FBXW11: variants seen among roughly 807,000 people sequenced by gnomAD.
The protein encoded by FBXW11 is F-box and WD repeat domain containing 11.
A neutral mutation model predicts 77.6 loss-of-function variants in FBXW11; 19 were observed. The ratio of observed to expected loss-of-function variants is 0.24; its 90% CI spans 0.17 to 0.36. The LOEUF is 0.36. Among genes scored for constraint, FBXW11 ranks in the 10% least tolerant of loss-of-function variants. The pLI is 1.00. For synonymous variants in FBXW11, 235 were observed against 249.4 expected (o/e 0.94, Z 0.54); for missense variants, 334 against 704.2 (o/e 0.47, Z 5.95).
intron 7 of FBXW11, among the ~76,000 whole-genome samples, chr5:171,889,810 C>G (rs1482679186): frequency 6.6e-6 from 1 of 152,022 alleles, no homozygotes; most frequent in African/African-American, 2.4e-5. Context: ...ATCGCTCAAA[C>G]CCGGGAGGCG....
intron 1 of FBXW11, among the ~76,000 whole-genome samples, chr5:171,979,362 T>A (rs11134726): frequency 0.015 from 2,210 of 152,280 alleles, 33 homozygotes; most frequent in Non-Finnish European, 0.023. Context: ...CATATGTACA[T>A]GTATATGTAT....
chr5:171,916,047 C>A (rs1761212601), intron 2 of FBXW11, among the ~76,000 whole-genome samples: 1 of 144,560 alleles, frequency 6.9e-6, no homozygotes, highest in Admixed American at 7.1e-5. Flanking sequence ...AATGAGAACA[C>A]TGGAGACACA....
chr5:171,991,867 C>A (rs1301714394), intron 1 of FBXW11, among the ~76,000 whole-genome samples: 2 of 152,160 alleles, frequency 1.3e-5, no homozygotes, highest in Non-Finnish European at 2.9e-5. Context: ...GTAATCCCAG[C>A]ACTTTGGGAG....
intron 1 of FBXW11, among the ~76,000 whole-genome samples, chr5:171,963,204 C>T (rs199659745): frequency 1.5e-5 from 2 of 129,526 alleles, no homozygotes; most frequent in South Asian, 2.7e-4. Flanking sequence ...CACACACACA[C>T]ACATATATAT....
chr5:171,967,521 G>A (rs1343582029), intron 1 of FBXW11, among the ~76,000 whole-genome samples: 1 of 152,122 alleles, frequency 6.6e-6, no homozygotes, highest in Admixed American at 6.6e-5. Context: ...CTTACATTAT[G>A]ATCCCATGTT....
intron 6 of FBXW11, 147 bp from the exon 7 acceptor site, chr5:171,891,751 T>G: frequency 1.4e-6 from 1 of 701,634 alleles, no homozygotes; most frequent in Non-Finnish European, 2.2e-6. Context: ...ATCATGCTCT[T>G]TTCCAAGTAA....
intron 1 of FBXW11, among the ~76,000 whole-genome samples, chr5:171,980,510 A>G (rs2113486208): frequency 6.6e-6 from 1 of 152,380 alleles, no homozygotes; most frequent in East Asian, 1.9e-4. Flanking sequence ...AAAAAGACTC[A>G]TAAATTAGTA....
intron 2 of FBXW11, among the ~76,000 whole-genome samples, chr5:171,914,980 C>A (rs770509195): frequency 8.1e-4 from 124 of 152,166 alleles, no homozygotes; most frequent in Non-Finnish European, 9.3e-4. Flanking sequence ...TCTGGCTTGC[C>A]TTGGGAATGC....
At chr5:171,930,771 A>AT (rs1363601270) in intron 2 of FBXW11, among the ~76,000 whole-genome samples, 1 of 149,726 alleles carries the variant, frequency 6.7e-6, no homozygotes, top group Admixed American at 6.6e-5. Flanking sequence ...ATAAAAAAAA[A>AT]AAAAAGAAAA....
intron 7 of FBXW11, among the ~76,000 whole-genome samples, chr5:171,882,259 T>C (rs1758562262): frequency 6.6e-6 from 1 of 152,192 alleles, no homozygotes; most frequent in Non-Finnish European, 1.5e-5. Flanking sequence ...GCTTTCATTT[T>C]CATTTAGTTA....
intron 9 of FBXW11, 35 bp from the exon 10 acceptor site, chr5:171,873,025 A>G: frequency 6.4e-7 from 1 of 1,552,192 alleles, no homozygotes; most frequent in Non-Finnish European, 8.9e-7. Flanking sequence ...TAAAGAATGA[A>G]CACAGGAAAG....
chr5:171,924,758 A>G (rs1761794490), intron 2 of FBXW11, among the ~76,000 whole-genome samples: 1 of 145,854 alleles, frequency 6.9e-6, no homozygotes, highest in Non-Finnish European at 1.5e-5. Context: ...GGGCTGAAAC[A>G]CGTCCCACCC....
At chr5:172,004,867 G>GCGCACACA (rs1554112093) in intron 1 of FBXW11, among the ~76,000 whole-genome samples, 26 of 149,448 alleles carry the variant, frequency 1.7e-4, no homozygotes, top group African/African-American at 3.7e-4. Context: ...AACCCCACGT[G>GCGCACACA]CACACACACA....
chr5:171,969,525 A>G (rs1451447074), intron 1 of FBXW11, among the ~76,000 whole-genome samples: 6 of 152,194 alleles, frequency 3.9e-5, no homozygotes, highest in African/African-American at 1.4e-4. Context: ...GATAGACAAA[A>G]ATTCTCAAAA....
rs531418408 is a variant in FBXW11, at chr5:171,913,854, C to T, written c.210+489G>A. Among the ~76,000 whole-genome samples, 496 of 151,480 alleles carry T rather than the reference C, an allele frequency of 3.3e-3. 3 individuals carry two copies. Among genetic ancestry groups the T allele is most frequent in the Admixed American group, 0.013 (190 of 15,168 alleles). ...ACACACACACACACACACACACACA[C>T]ACACACACACACACACACACAACCT... On this transcript the variant is annotated intron_variant, in intron 3 of 13. Transcript: ENST00000517395.
At chr5:171,996,754 A>G in intron 1 of FBXW11, 1 of 545,028 alleles carries the variant, frequency 1.8e-6, no homozygotes, top group African/African-American at 2.0e-5. Flanking sequence ...ATGGCCAAAC[A>G]TGACACTACG....
chr5:171,990,100 A>G (rs1765653224), intron 1 of FBXW11, among the ~76,000 whole-genome samples: 1 of 151,860 alleles, frequency 6.6e-6, no homozygotes, highest in African/African-American at 2.4e-5. Flanking sequence ...AGACAGAGTA[A>G]GAGAGGGAAG....
intron 9 of FBXW11, 106 bp from the exon 10 acceptor site, chr5:171,873,096 AT>A: frequency 2.2e-6 from 2 of 899,890 alleles, no homozygotes; most frequent in Non-Finnish European, 3.4e-6. Context: ...CAAATATGTG[AT>A]TATAAAATAC....
intron 2 of FBXW11, among the ~76,000 whole-genome samples, chr5:171,939,655 C>T (rs933717023): frequency 6.8e-6 from 1 of 146,392 alleles, no homozygotes; most frequent in African/African-American, 2.5e-5. Flanking sequence ...TGAGATCGTG[C>T]CACCGCACTC....
Sources: allele counts gnomAD v4.1 joint callset (sites outside exome capture counted in the v4.1 genomes callset), GRCh38; gene constraint gnomAD v4.1.1; transcripts MANE v1.5; gene names NCBI Gene and HGNC (gene_info 2026-07-23, HGNC 2026-07-21).